Variants in CADM2 observed in about 807,000 individuals in gnomAD.
The protein encoded by CADM2 is immunoglobulin superfamily member 4D.
In CADM2, 12 loss-of-function variants were observed where a neutral mutation model predicts 49.8. The observed-to-expected ratio is 0.24, with a 90% CI of 0.15 to 0.39. CADM2 has a LOEUF of 0.39. Among genes scored for constraint, CADM2 ranks in the 10% least tolerant of loss-of-function variants. CADM2 has a pLI of 1.00. For missense variants in CADM2, 378 were observed against 492.3 expected, an observed-to-expected ratio of 0.77 and a Z score of 2.20; for synonymous variants, 214 against 175.4, an observed-to-expected ratio of 1.22 and a Z score of -1.74.
At chr3:85,639,995 C>A (rs1258405499) in intron 1 of CADM2, among the ~76,000 whole-genome samples, 2 of 152,086 alleles carry the variant, frequency 1.3e-5, no homozygotes, top group Non-Finnish European at 2.9e-5. Context: ...TATTTATTAC[C>A]ATTTTTTTCC....
At chr3:85,480,342 G>T (rs1362314427) in intron 1 of CADM2, among the ~76,000 whole-genome samples, 2 of 151,650 alleles carry the variant, frequency 1.3e-5, no homozygotes, top group Admixed American at 6.6e-5. Flanking sequence ...AATTTTAAAA[G>T]ACAATATAAT....
chr3:85,560,248 G>C (rs72615727), intron 1 of CADM2, among the ~76,000 whole-genome samples: 77,932 of 152,030 alleles, frequency 0.51, 23,054 homozygotes, highest in East Asian at 0.85. Flanking sequence ...TATTCTGCAC[G>C]AGCAGCAGGT....
intron 1 of CADM2, among the ~76,000 whole-genome samples, chr3:85,211,508 A>G (rs890166610): frequency 2.6e-5 from 4 of 152,064 alleles, no homozygotes; most frequent in African/African-American, 4.8e-5. Context: ...TTGTTCAAGA[A>G]ATCTTAAATT....
intron 1 of CADM2, among the ~76,000 whole-genome samples, chr3:85,644,248 A>G (rs2064818909): frequency 6.6e-6 from 1 of 152,110 alleles, no homozygotes; most frequent in Admixed American, 6.6e-5. Flanking sequence ...GCAAAGAAAG[A>G]GAGAGAGGAA....
intron 1 of CADM2, among the ~76,000 whole-genome samples, chr3:85,255,009 A>T (rs894372935): frequency 1.3e-5 from 2 of 152,116 alleles, no homozygotes; most frequent in African/African-American, 4.8e-5. Context: ...TCCTACTGGG[A>T]TTTGGTAAAC....
At chr3:85,410,334 G>A (rs2035597481) in intron 1 of CADM2, among the ~76,000 whole-genome samples, 1 of 152,112 alleles carries the variant, frequency 6.6e-6, no homozygotes, top group South Asian at 2.1e-4. Context: ...TAGCATTAGG[G>A]AGACTATTAG....
At chr3:85,886,454 G>T (rs1713669702) in intron 5 of CADM2, 127 bp downstream of exon 5, 3 of 636,464 alleles carry the variant, frequency 4.7e-6, no homozygotes, top group Non-Finnish European at 8.0e-6. Context: ...ATTTGAACCA[G>T]ATTTACCCAT....
At chr3:85,698,928 C>G (rs1305960004) in intron 1 of CADM2, among the ~76,000 whole-genome samples, 1 of 152,138 alleles carries the variant, frequency 6.6e-6, no homozygotes, top group African/African-American at 2.4e-5. Context: ...CTGTCTGAGA[C>G]AAGGCTAGCC....
chr3:85,017,795 TG>T (rs375094119), intron 1 of CADM2, among the ~76,000 whole-genome samples: 7 of 152,342 alleles, frequency 4.6e-5, no homozygotes, highest in African/African-American at 1.7e-4. Flanking sequence ...CTTGTTTTCG[TG>T]ACATGGAGGA....
intron 1 of CADM2, among the ~76,000 whole-genome samples, chr3:85,394,989 T>C (rs1485531438): frequency 6.6e-6 from 1 of 152,128 alleles, no homozygotes; most frequent in Non-Finnish European, 1.5e-5. Context: ...ATTTAATGTA[T>C]GATACTTAAC....
Position 85,665,563 on chromosome 3 carries a change from A to G in CADM2, c.62-60959A>G, listed in dbSNP as rs944878225. Among the ~76,000 whole-genome samples the G allele has an allele frequency of 5.3e-5, 8 of 152,078 alleles. No homozygotes were observed. The East Asian group carries it at 1.5e-3, about 29-fold the overall frequency. On this transcript the variant is annotated intron_variant, in intron 1 of 9. Coordinates refer to ENST00000383699, the MANE Select transcript of CADM2 (RefSeq NM_001167675.2). ...TCTGACATCTAAGCTGTGCTACCTC[A>G]TTACTTTGCTACCAATAGTTTTAAT...
intron 1 of CADM2, among the ~76,000 whole-genome samples, chr3:85,548,162 A>G (rs2061711031): frequency 1.4e-5 from 1 of 69,318 alleles, no homozygotes; most frequent in Non-Finnish European, 4.3e-5. Context: ...TGCCAGGATG[A>G]CTAAAGAAAT....
chr3:85,756,078 T>A (rs1186422403), intron 2 of CADM2, among the ~76,000 whole-genome samples: 2 of 152,120 alleles, frequency 1.3e-5, no homozygotes, highest in Admixed American at 1.3e-4. Context: ...GGGCTCATGA[T>A]GAATAACAAA....
chr3:85,294,325 A>G (rs537838571), intron 1 of CADM2, among the ~76,000 whole-genome samples: 9,825 of 151,800 alleles, frequency 0.065, 1,040 homozygotes, highest in African/African-American at 0.22. Context: ...CTATGCTCAT[A>G]GGTAGGAAGA....
intron 1 of CADM2, among the ~76,000 whole-genome samples, chr3:85,099,643 T>C (rs530348429): frequency 6.6e-6 from 1 of 152,268 alleles, no homozygotes; most frequent in Non-Finnish European, 1.5e-5. Context: ...CTAATTTTTG[T>C]ATTTTTAGTG....
intron 8 of CADM2, among the ~76,000 whole-genome samples, chr3:86,045,219 A>T (rs960205438): frequency 3.3e-5 from 5 of 152,108 alleles, no homozygotes; most frequent in Non-Finnish European, 5.9e-5. Flanking sequence ...ATAAAAAAAA[A>T]AGATAGTGTA....
At chr3:85,996,411 C>T (rs1729427450) in intron 8 of CADM2, among the ~76,000 whole-genome samples, 1 of 150,828 alleles carries the variant, frequency 6.6e-6, no homozygotes, top group African/African-American at 2.4e-5. Flanking sequence ...GATTCTCCTG[C>T]CTTAGCATCC....
At chr3:85,220,047 T>C (rs575234158) in intron 1 of CADM2, among the ~76,000 whole-genome samples, 2 of 152,246 alleles carry the variant, frequency 1.3e-5, no homozygotes, top group Admixed American at 6.5e-5. Context: ...AGTCAACATT[T>C]TGATTAATGG....
chr3:85,766,713 T>C (rs2069672948), intron 2 of CADM2, among the ~76,000 whole-genome samples: 1 of 152,214 alleles, frequency 6.6e-6, no homozygotes, highest in Non-Finnish European at 1.5e-5. Context: ...GCTTCTGATA[T>C]GTTGATGAGT....
Sources: gnomAD v4.1 joint callset for allele counts (sites outside exome capture counted in the v4.1 genomes callset) on GRCh38, gnomAD v4.1.1 for gene constraint, MANE v1.5 for transcripts, NCBI Gene and HGNC (gene_info 2026-07-23, HGNC 2026-07-21) for gene names.